The following TEX15 variants were observed in gnomAD, a reference collection of about 807,000 sequenced individuals.
TEX15 encodes the protein testis-expressed protein 15.
In TEX15, 171 loss-of-function variants were observed where a neutral mutation model predicts 237.3. The observed-to-expected ratio is 0.72, with a 90% confidence interval of 0.64 to 0.82. The LOEUF (loss-of-function observed/expected upper bound fraction) is 0.82. Ranked by LOEUF, TEX15 falls within the 40% of genes least tolerant of loss-of-function variation. The pLI is 0.00. For synonymous variants in TEX15, 1,338 were observed against 1,269.8 expected, an observed-to-expected ratio of 1.05 and a Z score of -1.14; for missense variants, 3,750 against 3,646.5, an observed-to-expected ratio of 1.03 and a Z score of -0.73.
At chr8:30,860,152 G>C in intron 5 of TEX15, 95 bp from the exon 6 acceptor site, 3 of 1,126,380 alleles carry the variant, frequency 2.7e-6, no homozygotes, top group Non-Finnish European at 3.6e-6. Context: ...ACATTGCTTT[G>C]TTTTTCTGAG....
chr8:30,864,216 A>G (rs1469231000), intron 5 of TEX15, among the ~76,000 whole-genome samples: 2 of 151,840 alleles, frequency 1.3e-5, no homozygotes, highest in Non-Finnish European at 2.9e-5. Context: ...CAGGCAAAGG[A>G]GAGAATAAGT....
chr8:30,861,880 G>A (rs891931333), intron 5 of TEX15, among the ~76,000 whole-genome samples: 3 of 152,036 alleles, frequency 2.0e-5, no homozygotes, highest in African/African-American at 7.2e-5. Flanking sequence ...ATATAAATAA[G>A]TAATTCACTA....
In TEX15 at chr8:30,845,773, A is replaced by G. The variant is rs1296719772; in HGVS notation, c.4394T>C (p.Ile1465Thr). 2 of 1,612,754 alleles carry G rather than the reference A, an allele frequency of 1.2e-6. No homozygotes were observed. Among genetic ancestry groups the G allele is most frequent in the Non-Finnish European group, 1.7e-6 (2 of 1,179,484 alleles). The change falls in exon 8 of 11, where the codon ATT becomes ACT. Residue 1465 changes from isoleucine (I) to threonine (T), a missense_variant. Coordinates refer to ENST00000643185, the MANE Select transcript of TEX15 (RefSeq NM_001350162.2). The stretch of plus-strand genomic sequence containing the variant: ...TGACACATGGGTTAATGATTTAGAA[A>G]TATCAGCTTTTGGAGCTCTTTTCTT... Reference protein sequence around the residue: ...RRKKRAPKADISKSLTHVSKH... With the variant: ...RRKKRAPKADTSKSLTHVSKH...
At position 30,832,259 on chromosome 8, in the gene TEX15, C is replaced by T. The variant is rs1342131390; in HGVS notation, c.*1027G>A. 1.3e-5 allele frequency: 2 copies of T among 152,212 alleles called. No individual in the cohort carries two copies. Among genetic ancestry groups the T allele is most frequent in the African/African-American group, 4.8e-5 (2 of 41,458 alleles). The allele number at this position is 152,212 out of a possible 1,614,324, so 9.4% of individuals were successfully genotyped here. On this transcript the variant is annotated 3_prime_UTR_variant, in exon 11 of 11. Transcript: ENST00000643185. Reference sequence around the variant, plus strand: ...TAAAAAGTTTGCAAAAGCACTGAAGCTTTGCTAGTTATTTGTTGTGATTCA... The same window carrying T: ...TAAAAAGTTTGCAAAAGCACTGAAGTTTTGCTAGTTATTTGTTGTGATTCA...
Position 30,846,487 on chromosome 8 carries a change from T to G in TEX15, c.3680A>C (p.Gln1227Pro). The G allele has an allele frequency of 6.2e-7, 1 of 1,613,420 alleles. No individual in the cohort carries two copies. The highest frequency in any genetic ancestry group is 2.2e-5 in the East Asian group (1 of 44,880). ...AGAGTTACTCACTGGCCCTGATTCTTGCCTTATATTATCAACTTTATCTTC... is the reference window on the plus strand; with the variant it reads ...AGAGTTACTCACTGGCCCTGATTCTGGCCTTATATTATCAACTTTATCTTC... ...PCEDKVDNIR[Q>P]ESGPVSNSEI... Residue 1227 changes from glutamine to proline, a missense_variant, in exon 8 of 11, where the codon CAA (glutamine) becomes CCA (proline). By Grantham distance (76) the Gln-to-Pro change is moderately conservative. Transcript: ENST00000643185.
chr8:30,859,043 A>G (rs1395337625), intron 6 of TEX15, among the ~76,000 whole-genome samples: 1 of 152,148 alleles, frequency 6.6e-6, no homozygotes, highest in Non-Finnish European at 1.5e-5. Context: ...ATGTCTGCAG[A>G]AAAAGGCACA....
At chr8:30,869,102 T>A (rs1042040747) in intron 4 of TEX15, among the ~76,000 whole-genome samples, 1 of 151,934 alleles carries the variant, frequency 6.6e-6, no homozygotes, top group African/African-American at 2.4e-5. Flanking sequence ...CTAAATATGT[T>A]AGTAAAAAAA....
intron 1 of TEX15, among the ~76,000 whole-genome samples, chr8:30,900,522 A>C (rs748115692): frequency 2.0e-5 from 3 of 152,224 alleles, no homozygotes; most frequent in Non-Finnish European, 2.9e-5. Flanking sequence ...AGTAAGTTGA[A>C]AGATAGTTTT....
chr8:30,837,861 A>T lies in TEX15; in HGVS notation c.8423T>A (p.Phe2808Tyr), dbSNP rs1807345568. The T allele has an allele frequency of 8.1e-6, 13 of 1,614,042 alleles. No homozygotes were observed. The highest frequency in any genetic ancestry group is 1.1e-5 in the Non-Finnish European group (13 of 1,180,020). The change falls in exon 10 of 11, where the codon TTC (phenylalanine) becomes TAC (tyrosine). Residue 2808 changes from phenylalanine to tyrosine, a missense_variant. By Grantham distance (22) the Phe-to-Tyr change is conservative. Transcript: ENST00000643185. ...KIDLTVSSDHFSGQQENLNSM... is the reference protein window; with the variant it reads ...KIDLTVSSDHYSGQQENLNSM... ...ATTTAAATTTTCCTGTTGTCCACTG[A>T]AGTGATCAGATGAAACAGTTAAGTC...
At chr8:30,905,656 A>C (rs1809087844) in intron 1 of TEX15, among the ~76,000 whole-genome samples, 2 of 145,336 alleles carry the variant, frequency 1.4e-5, no homozygotes, top group African/African-American at 5.1e-5. Flanking sequence ...TGGGAGGCTG[A>C]GGCCGGTGGA....
chr8:30,888,782 C>CT (rs1808720790), intron 2 of TEX15: 1 of 544,252 alleles, frequency 1.8e-6, no homozygotes, highest in Non-Finnish European at 3.1e-6. Flanking sequence ...GGATGTCCCT[C>CT]TTAATCCCCT....
chr8:30,845,523 C>G lies in TEX15; in HGVS notation c.4644G>C (p.Gln1548His), dbSNP rs749211982. The G allele has an allele frequency of 1.2e-6, 2 of 1,613,460 alleles. No homozygotes were observed. Among genetic ancestry groups the G allele is most frequent in the Non-Finnish European group, 1.7e-6 (2 of 1,179,624 alleles). The stretch of plus-strand genomic sequence containing the variant: ...GATATGCAGTTTTTCCAGAAAAGGG[C>G]TGATGTTCTTCTGATAAACTTGGAT... ...VSNPSLSEEH[Q>H]PFSGKTAYLF... is the part of the protein sequence containing the mutation. Residue 1548 changes from glutamine (Q) to histidine (H), a missense_variant, in exon 8 of 11, where the codon CAG (glutamine) becomes CAC (histidine). Gln to His is a conservative substitution (Grantham distance 24, BLOSUM62 0). Transcript: ENST00000643185.
Position 30,867,086 on chromosome 8 carries a change from C to T in TEX15, c.540+179G>A, listed in dbSNP as rs528157220. Among the ~76,000 whole-genome samples the T allele has an allele frequency of 5.2e-4, 77 of 147,704 alleles. No homozygotes were observed. The East Asian group carries it at 0.012, about 22-fold the overall frequency. On this transcript the variant is annotated intron_variant, in intron 5 of 10. Transcript: ENST00000643185. ...TTTTTTTTGCTTTGTGTTGCACACC[C>T]AGGTAAAGAGGAAAGGAGAAAATTT...
At position 30,867,439 on chromosome 8, in the gene TEX15, T is replaced by C; in HGVS notation, c.366A>G (p.Ala122=). Residue 122 remains alanine, a synonymous_variant, in exon 5 of 11, where the codon GCA becomes GCG. Transcript: ENST00000643185. ...RELEEQFCFL[A]LPQSDVAQIY... ...TCTGGGCTACATCACTCTGGGGAAG[T>C]GCTAAAAAGCAGAACTGTTCTTCAA... 1 of 1,534,870 alleles carries C rather than the reference T, an allele frequency of 6.5e-7. No individual in the cohort carries two copies. The highest frequency in any genetic ancestry group is 8.7e-7 in the Non-Finnish European group (1 of 1,146,076).
chr8:30,834,161 GCTTT>G (rs759825402), intron 10 of TEX15, among the ~76,000 whole-genome samples: 2 of 152,082 alleles, frequency 1.3e-5, no homozygotes, highest in African/African-American at 4.8e-5. Flanking sequence ...CTTTGTTCCT[GCTTT>G]CTTTTTCCCC....
chr8:30,889,309 G>A (rs1179060127), intron 2 of TEX15, among the ~76,000 whole-genome samples: 3 of 152,078 alleles, frequency 2.0e-5, no homozygotes, highest in Admixed American at 6.5e-5. Flanking sequence ...ACAATTAGCC[G>A]GGTGTGGTGG....
At chr8:30,902,422 A>G (rs546211708) in intron 1 of TEX15, among the ~76,000 whole-genome samples, 1 of 152,284 alleles carries the variant, frequency 6.6e-6, no homozygotes, top group South Asian at 2.1e-4. Flanking sequence ...GCATTCAATT[A>G]ACAAATTATC....
At chr8:30,864,487 C>T (rs1276525558) in intron 5 of TEX15, among the ~76,000 whole-genome samples, 1 of 150,078 alleles carries the variant, frequency 6.7e-6, no homozygotes, top group Admixed American at 6.6e-5. Context: ...TCGCTAGAGC[C>T]TGGGAGTTTG....
chr8:30,867,239 C>T, intron 5 of TEX15, 26 bp downstream of exon 5: 1 of 1,144,318 alleles, frequency 8.7e-7, no homozygotes, highest in Admixed American at 2.0e-5. Flanking sequence ...TGTCCATATA[C>T]TTAATATTTG....
Sources: gnomAD v4.1 joint callset for allele counts (sites outside exome capture counted in the v4.1 genomes callset) on GRCh38, gnomAD v4.1.1 for gene constraint, MANE v1.5 for transcripts, NCBI Gene and HGNC (gene_info 2026-07-23, HGNC 2026-07-21) for gene names.